Variants in NRG1 observed in about 807,000 individuals in gnomAD.
The protein encoded by NRG1 is pro-neuregulin-1, membrane-bound isoform.
In NRG1, 18 loss-of-function variants were observed where a neutral mutation model predicts 63.8. The ratio of observed to expected loss-of-function variants is 0.28; its 90% CI spans 0.19 to 0.42. NRG1 has a LOEUF of 0.42. Among genes scored for constraint, NRG1 ranks in the 10% least tolerant of loss-of-function variants. The pLI, the probability that NRG1 is intolerant of heterozygous loss-of-function variation, is 1.00. For synonymous variants in NRG1, 302 were observed against 301.3 expected (o/e 1.00, Z -0.02); for missense variants, 762 against 814.7 (o/e 0.94, Z 0.79).
intron 1 of NRG1, among the ~76,000 whole-genome samples, chr8:32,484,102 CA>C (rs11297137): frequency 0.63 from 87,692 of 139,090 alleles, 26,512 homozygotes; most frequent in East Asian, 0.79. Context: ...GACTCCGTAT[CA>C]AAAAAAAAAA....
intron 1 of NRG1, among the ~76,000 whole-genome samples, chr8:31,926,602 C>G (rs1031634875): frequency 2.6e-5 from 4 of 152,078 alleles, no homozygotes; most frequent in Non-Finnish European, 5.9e-5. Flanking sequence ...CAACAATATC[C>G]TCATATGTGC....
Position 32,728,409 on chromosome 8 carries a change from T to G in NRG1, c.632+331T>G, listed in dbSNP as rs187285376. ...GCAGATATCACAGAGGCCTATAACT[T>G]TTGGTATCTACTTCTACATCCAATG... is the stretch of plus-strand genomic sequence containing the variant. On this transcript the variant is annotated intron_variant, in intron 6 of 11. Coordinates refer to ENST00000356819, the Ensembl canonical transcript of NRG1. 39 of 985,388 alleles carry G rather than the reference T, an allele frequency of 4.0e-5. No individual in the cohort carries two copies. The East Asian group carries it at 3.1e-3, about 77-fold the overall frequency. The allele number at this position is 985,388 out of a possible 1,614,324, so 61.0% of individuals were successfully genotyped here.
intron 1 of NRG1, among the ~76,000 whole-genome samples, chr8:32,076,569 A>T (rs1217704782): frequency 2.0e-5 from 3 of 152,036 alleles, no homozygotes; most frequent in African/African-American, 7.3e-5. Flanking sequence ...GGTCTATCGG[A>T]GGGTGGAAAG....
At chr8:32,257,505 CAT>C (rs1172003919) in intron 1 of NRG1, among the ~76,000 whole-genome samples, 7 of 152,198 alleles carry the variant, frequency 4.6e-5, no homozygotes, top group African/African-American at 1.4e-4. Context: ...ATATATATAA[CAT>C]GTGGATCAAA....
intron 1 of NRG1, among the ~76,000 whole-genome samples, chr8:32,158,842 C>T (rs756706871): frequency 1.4e-4 from 21 of 152,010 alleles, no homozygotes; most frequent in Non-Finnish European, 2.8e-4. Context: ...AGCAAAATTA[C>T]GGTACTGGGA....
At chr8:32,569,888 C>A (rs567031947) in intron 1 of NRG1, among the ~76,000 whole-genome samples, 1 of 146,798 alleles carries the variant, frequency 6.8e-6, no homozygotes, top group East Asian at 2.0e-4. Flanking sequence ...CTAGTTAATT[C>A]TTTTTCTGAT....
intron 1 of NRG1, among the ~76,000 whole-genome samples, chr8:32,313,190 C>G (rs185934924): frequency 5.1e-4 from 78 of 152,284 alleles, no homozygotes; most frequent in African/African-American, 1.8e-3. Context: ...TTCTGTATTT[C>G]AGCATCACAG....
chr8:32,698,236 A>G (rs1007658034), intron 5 of NRG1, among the ~76,000 whole-genome samples: 1 of 152,070 alleles, frequency 6.6e-6, no homozygotes, highest in African/African-American at 2.4e-5. Context: ...AGGTAACAGC[A>G]ATTTTCAGTG....
chr8:32,369,569 A>G (rs999223613), intron 1 of NRG1, among the ~76,000 whole-genome samples: 1 of 152,302 alleles, frequency 6.6e-6, no homozygotes, highest in African/African-American at 2.4e-5. Context: ...AGGGCCCCCA[A>G]CCAGGGACCC....
intron 1 of NRG1, among the ~76,000 whole-genome samples, chr8:31,669,194 G>T (rs746331380): frequency 4.0e-5 from 6 of 151,648 alleles, no homozygotes; most frequent in Non-Finnish European, 5.9e-5. Flanking sequence ...TAGATGGGAT[G>T]GGTCTACAGG....
chr8:31,970,842 A>G (rs1807155061), intron 1 of NRG1, among the ~76,000 whole-genome samples: 1 of 152,080 alleles, frequency 6.6e-6, no homozygotes, highest in Admixed American at 6.5e-5. Flanking sequence ...AAGGCTTAGC[A>G]ATCATTCCAA....
rs553243705 is a variant in NRG1, at chr8:31,640,554, C to T, written c.37+1123C>T. On this transcript the variant is annotated intron_variant, in intron 1 of 10. Transcript: ENST00000519301. This position sits in a 1 kb window ranked among gnomAD's most constrained non-coding sequence, Gnocchi z 6.3. ...CCGTGCGCCTGGGGACCTGGGGCCA[C>T]CCCGCCTTCCCCTCCTGCGGGAGGC... 18 of 1,611,678 alleles carry T rather than the reference C, an allele frequency of 1.1e-5. No homozygotes were observed. The highest frequency in any genetic ancestry group is 1.7e-5 in the Admixed American group (1 of 59,986).
chr8:32,399,543 A>G (rs1465574634), intron 1 of NRG1, among the ~76,000 whole-genome samples: 1 of 152,152 alleles, frequency 6.6e-6, no homozygotes, highest in African/African-American at 2.4e-5. Flanking sequence ...CTTCTCTACT[A>G]AAAATACAAA....
intron 1 of NRG1, among the ~76,000 whole-genome samples, chr8:31,804,751 C>T (rs1341340381): frequency 6.6e-6 from 1 of 152,032 alleles, no homozygotes; most frequent in Non-Finnish European, 1.5e-5. Context: ...TGAGGCACAC[C>T]CACATTGAAG....
chr8:32,072,701 A>C (rs932826564), intron 1 of NRG1, among the ~76,000 whole-genome samples: 1 of 152,162 alleles, frequency 6.6e-6, no homozygotes, highest in African/African-American at 2.4e-5. Flanking sequence ...ATTTATTTTA[A>C]ATTGAATCTG....
At chr8:31,646,422 C>T (rs1410531102) in intron 1 of NRG1, among the ~76,000 whole-genome samples, 1 of 152,196 alleles carries the variant, frequency 6.6e-6, no homozygotes. Flanking sequence ...GCACTAGAGT[C>T]TTGGTACTGG....
At chr8:32,556,281 G>T (rs1424479419) in intron 1 of NRG1, among the ~76,000 whole-genome samples, 1 of 152,182 alleles carries the variant, frequency 6.6e-6, no homozygotes, top group African/African-American at 2.4e-5. Flanking sequence ...ATACATAAAA[G>T]AAATCTGAGC....
chr8:32,482,172 C>T (rs1482390016), intron 1 of NRG1, among the ~76,000 whole-genome samples: 1 of 151,872 alleles, frequency 6.6e-6, no homozygotes, highest in African/African-American at 2.4e-5. Context: ...TAGTGATATG[C>T]ATAATCGTTG....
At chr8:32,617,225 C>G (rs1480849618) in intron 5 of NRG1, among the ~76,000 whole-genome samples, 1 of 152,198 alleles carries the variant, frequency 6.6e-6, no homozygotes, top group Non-Finnish European at 1.5e-5. Context: ...TTCAGCTTCT[C>G]TGGATGCCTT....
Sources: allele counts gnomAD v4.1 joint callset (sites outside exome capture counted in the v4.1 genomes callset), GRCh38; gene constraint gnomAD v4.1.1; non-coding constraint Gnocchi (gnomAD v3.1); transcripts MANE v1.5; gene names NCBI Gene and HGNC (gene_info 2026-07-23, HGNC 2026-07-21).